SLC44A5: variants seen among roughly 807,000 people sequenced by gnomAD.
The protein encoded by SLC44A5 is solute carrier family 44 member 5.
SLC44A5 carries 57 observed loss-of-function variants against 101.8 expected under a neutral mutation model. That is an observed-to-expected ratio of 0.56 (90% CI 0.45 to 0.70). SLC44A5 has a LOEUF of 0.70. SLC44A5 is among the 30% of genes least tolerant of loss of function. The pLI is 0.00. For missense variants in SLC44A5, 737 were observed against 853.1 expected (o/e 0.86, Z 1.70); for synonymous variants, 281 against 290.9 (o/e 0.97, Z 0.35).
chr1:75,375,315 G>A (rs1194167793), intron 3 of SLC44A5, among the ~76,000 whole-genome samples: 1 of 152,112 alleles, frequency 6.6e-6, no homozygotes, highest in Non-Finnish European at 1.5e-5. Context: ...AAATAAAAAA[G>A]AATAATTTAA....
intron 1 of SLC44A5, among the ~76,000 whole-genome samples, chr1:75,593,377 A>G (rs1674458641): frequency 6.6e-6 from 1 of 152,160 alleles, no homozygotes; most frequent in Non-Finnish European, 1.5e-5. Flanking sequence ...ACCCTTGTAC[A>G]CTTTTGGTGG....
chr1:75,235,306 T>C (rs75576902), intron 11 of SLC44A5, among the ~76,000 whole-genome samples: 42,873 of 151,892 alleles, frequency 0.28, 6,357 homozygotes, highest in Middle Eastern at 0.36. Flanking sequence ...ATAAAATAAA[T>C]AAGAGCAGAA....
chr1:75,687,080 A>G, the SLC44A5 span, among the ~76,000 whole-genome samples: 1 of 152,194 alleles, frequency 6.6e-6, no homozygotes, highest in Non-Finnish European at 1.5e-5. Context: ...AAAGAGCTAC[A>G]TAAGCTAGGG....
chr1:75,395,479 T>C (rs954411586), intron 3 of SLC44A5, among the ~76,000 whole-genome samples: 1 of 152,154 alleles, frequency 6.6e-6, no homozygotes. Context: ...TATATGATCA[T>C]ATATGATTAA....
intron 1 of SLC44A5, among the ~76,000 whole-genome samples, chr1:75,596,252 T>G (rs2102128937): frequency 6.6e-6 from 1 of 150,870 alleles, no homozygotes; most frequent in Non-Finnish European, 1.5e-5. Context: ...GAGAGAAAAT[T>G]GAATCCCTGA....
intron 4 of SLC44A5, among the ~76,000 whole-genome samples, chr1:75,303,631 A>G (rs1406054775): frequency 1.3e-5 from 2 of 152,220 alleles, no homozygotes; most frequent in Non-Finnish European, 2.9e-5. Flanking sequence ...TTTACACTAT[A>G]ATTTATTTTT....
intron 2 of SLC44A5, among the ~76,000 whole-genome samples, chr1:75,413,529 G>T (rs1448833836): frequency 6.6e-6 from 1 of 151,970 alleles, no homozygotes; most frequent in Non-Finnish European, 1.5e-5. Flanking sequence ...TATTATCTGG[G>T]ATCTCATATA....
intron 1 of SLC44A5, among the ~76,000 whole-genome samples, chr1:75,553,721 G>A (rs114754237): frequency 6.6e-6 from 1 of 152,200 alleles, no homozygotes; most frequent in South Asian, 2.1e-4. Flanking sequence ...AAGAAAGTAT[G>A]AAGTATTTAT....
intron 4 of SLC44A5, among the ~76,000 whole-genome samples, chr1:75,339,330 A>G (rs1352101436): frequency 6.6e-6 from 1 of 151,892 alleles, no homozygotes; most frequent in Non-Finnish European, 1.5e-5. Context: ...TCTCTTTTTG[A>G]AAAGTACAAA....
At chr1:75,591,952 T>C (rs1674379920) in intron 1 of SLC44A5, among the ~76,000 whole-genome samples, 1 of 152,086 alleles carries the variant, frequency 6.6e-6, no homozygotes, top group African/African-American at 2.4e-5. Flanking sequence ...CAAAAGCCTT[T>C]CCTCTAAGAT....
chr1:75,307,913 T>C (rs1479188330), intron 4 of SLC44A5, among the ~76,000 whole-genome samples: 4 of 152,208 alleles, frequency 2.6e-5, no homozygotes, highest in Admixed American at 1.3e-4. Flanking sequence ...AGAAACCTCA[T>C]AGAAAGGCAC....
At chr1:75,703,568 G>A in the SLC44A5 span, among the ~76,000 whole-genome samples, 1 of 151,760 alleles carries the variant, frequency 6.6e-6, no homozygotes, top group African/African-American at 2.4e-5. Flanking sequence ...GTTAAGTGAT[G>A]AGTTAATGTG....
chr1:75,560,968 T>A (rs1162255611), intron 1 of SLC44A5, among the ~76,000 whole-genome samples: 1 of 152,166 alleles, frequency 6.6e-6, no homozygotes, highest in African/African-American at 2.4e-5. Flanking sequence ...GATGTAAAAG[T>A]CCTAATAATA....
At chr1:75,358,022 A>ATG (rs1659209128) in intron 3 of SLC44A5, among the ~76,000 whole-genome samples, 1 of 151,762 alleles carries the variant, frequency 6.6e-6, no homozygotes, top group Non-Finnish European at 1.5e-5. Context: ...ACACACACAC[A>ATG]CACACATACA....
chr1:75,321,433 G>C (rs1253752700), intron 4 of SLC44A5, among the ~76,000 whole-genome samples: 3 of 150,912 alleles, frequency 2.0e-5, no homozygotes, highest in African/African-American at 7.4e-5. Context: ...ATGCCTTCTT[G>C]CTGTATTGTT....
intron 2 of SLC44A5, among the ~76,000 whole-genome samples, chr1:75,539,922 C>T (rs1032254976): frequency 2.6e-5 from 4 of 152,164 alleles, no homozygotes; most frequent in African/African-American, 7.2e-5. Context: ...TAGAAAAGGA[C>T]TAGGTAACAC....
chr1:75,438,785 T>C (rs893045638), intron 2 of SLC44A5, among the ~76,000 whole-genome samples: 1 of 151,942 alleles, frequency 6.6e-6, no homozygotes, highest in African/African-American at 2.4e-5. Context: ...GTATAACAAA[T>C]ATAAACTTTC....
At chr1:75,550,902 A>G (rs535819532) in intron 1 of SLC44A5, among the ~76,000 whole-genome samples, 2 of 152,280 alleles carry the variant, frequency 1.3e-5, no homozygotes, top group South Asian at 4.1e-4. Context: ...AGACACTTCC[A>G]CACTTTAGAA....
chr1:75,476,110 G>A (rs1355848380), intron 2 of SLC44A5, among the ~76,000 whole-genome samples: 1 of 152,100 alleles, frequency 6.6e-6, no homozygotes, highest in African/African-American at 2.4e-5. Context: ...TTGAACCCGG[G>A]AGGCAGAGGT....
Sources: gnomAD v4.1 joint callset for allele counts (sites outside exome capture counted in the v4.1 genomes callset) on GRCh38, gnomAD v4.1.1 for gene constraint, MANE v1.5 for transcripts, NCBI Gene and HGNC (gene_info 2026-07-23, HGNC 2026-07-21) for gene names.